PCSK5: variants seen among roughly 807,000 people sequenced by gnomAD.
PCSK5 encodes the protein prohormone convertase 5.
Under a neutral mutation model 233.2 loss-of-function variants are expected in PCSK5, and 129 were observed. The ratio of observed to expected loss-of-function variants is 0.55; its 90% CI spans 0.48 to 0.64. PCSK5 has a LOEUF of 0.64. Ranked by LOEUF, PCSK5 falls within the 30% of genes least tolerant of loss-of-function variation. The pLI is 0.00. For missense variants in PCSK5, 2,076 were observed against 2,430.1 expected (o/e 0.85, Z 3.06); for synonymous variants, 825 against 879.2 (o/e 0.94, Z 1.09).
intron 24 of PCSK5, among the ~76,000 whole-genome samples, chr9:76,251,425 G>A (rs1426965119): frequency 4.6e-5 from 7 of 151,834 alleles, no homozygotes; most frequent in East Asian, 1.9e-4. Flanking sequence ...TTAGCTGGGC[G>A]TGGTGGCACG....
intron 7 of PCSK5, among the ~76,000 whole-genome samples, chr9:76,093,388 C>A (rs1831379448): frequency 6.6e-6 from 1 of 152,120 alleles, no homozygotes; most frequent in Non-Finnish European, 1.5e-5. Context: ...GGCCACTACA[C>A]CCAGTCTACA....
intron 7 of PCSK5, among the ~76,000 whole-genome samples, chr9:76,072,776 C>A (rs544006779): frequency 1.5e-4 from 23 of 152,274 alleles, no homozygotes; most frequent in Admixed American, 1.4e-3. Flanking sequence ...GTGCCCCATC[C>A]CCAAGTCCTC....
intron 35 of PCSK5, among the ~76,000 whole-genome samples, chr9:76,345,177 ATTTTATTATTTTATTTTATT>A (rs1398198967): frequency 1.3e-5 from 2 of 148,966 alleles, no homozygotes; most frequent in African/African-American, 5.0e-5. Flanking sequence ...CCCTTATTTT[ATTTTATTATTTTATTTTATT>A]TTATTTTATT....
chr9:75,999,019 C>T (rs1400371999), intron 3 of PCSK5, among the ~76,000 whole-genome samples: 1 of 152,000 alleles, frequency 6.6e-6, no homozygotes, highest in Non-Finnish European at 1.5e-5. Context: ...CCAAATAAGG[C>T]TTATACATTG....
chr9:76,016,214 G>A (rs1304787152), intron 3 of PCSK5, among the ~76,000 whole-genome samples: 1 of 152,230 alleles, frequency 6.6e-6, no homozygotes, highest in African/African-American at 2.4e-5. Context: ...GTTACATCTT[G>A]GTAAAGGTAT....
chr9:76,092,156 G>A (rs28369582), intron 7 of PCSK5, among the ~76,000 whole-genome samples: 4,317 of 152,140 alleles, frequency 0.028, 166 homozygotes, highest in African/African-American at 0.087. Context: ...ACCTCTTAAG[G>A]GCAAAAGATA....
chr9:76,311,850 G>A (rs956903862), intron 30 of PCSK5, among the ~76,000 whole-genome samples: 2 of 152,260 alleles, frequency 1.3e-5, no homozygotes, highest in South Asian at 2.1e-4. Flanking sequence ...CCCACATTAC[G>A]TGTCTCAGCT....
In PCSK5 at chr9:76,251,344, ATG is replaced by A. The variant is rs1387295999; in HGVS notation, c.3142+10661_3142+10662del. Among the ~76,000 whole-genome samples, 208 of 151,272 alleles carry A rather than the reference ATG, an allele frequency of 1.4e-3. 2 individuals carry two copies. The highest frequency in any genetic ancestry group is 6.8e-3 in the Middle Eastern group (2 of 294). ...TTTGGGAGGCCAAGGCGGGTGGATC[ATG>A]AGGTCAGAAGTTCAAGACCAGCCTG... On this transcript the variant is annotated intron_variant, in intron 24 of 37. Coordinates refer to ENST00000674117, the MANE Select transcript of PCSK5 (RefSeq NM_001372043.1).
rs1365227061 is a variant in PCSK5, at chr9:76,089,632, A to G, written c.895-6258A>G. On this transcript the variant is annotated intron_variant, in intron 7 of 37. Coordinates refer to ENST00000674117, the MANE Select transcript of PCSK5 (RefSeq NM_001372043.1). ...TCTCTCTTACTCCTTTTTATATCACAAGAAACCTAGGTCATTTACTCATGG... is the reference window on the plus strand; with the variant it reads ...TCTCTCTTACTCCTTTTTATATCACGAGAAACCTAGGTCATTTACTCATGG... Among the ~76,000 whole-genome samples the G allele has an allele frequency of 1.3e-5, 2 of 152,238 alleles. 1 individual carries two copies. The highest frequency in any genetic ancestry group is 4.8e-5 in the African/African-American group (2 of 41,458).
intron 20 of PCSK5, chr9:76,194,701 A>C (rs1233642498): frequency 4.4e-6 from 2 of 457,354 alleles, no homozygotes; most frequent in African/African-American, 2.0e-5. Context: ...TATTTGGATT[A>C]GTGGCCAGAA....
chr9:76,281,935 C>T (rs994566676), intron 24 of PCSK5, among the ~76,000 whole-genome samples: 7 of 152,022 alleles, frequency 4.6e-5, no homozygotes, highest in Admixed American at 2.6e-4. Context: ...AGGCTTGTGC[C>T]GTTGCACCTG....
intron 2 of PCSK5, among the ~76,000 whole-genome samples, chr9:75,969,389 C>T (rs1825725502): frequency 6.6e-6 from 1 of 152,142 alleles, no homozygotes; most frequent in Admixed American, 6.5e-5. Context: ...GGGGCCAGAA[C>T]ATTGATTGGC....
chr9:75,995,744 T>TATACACACACAC (rs373537943), intron 3 of PCSK5, among the ~76,000 whole-genome samples: 1 of 145,948 alleles, frequency 6.9e-6, no homozygotes, highest in Non-Finnish European at 1.5e-5. Flanking sequence ...GATTCATTCA[T>TATACACACACAC]ACACACACAC....
intron 32 of PCSK5, among the ~76,000 whole-genome samples, chr9:76,324,639 A>G (rs1829306491): frequency 6.6e-6 from 1 of 152,152 alleles, no homozygotes; most frequent in African/African-American, 2.4e-5. Flanking sequence ...CATGTTCAAG[A>G]AAGGATCTGC....
intron 1 of PCSK5, among the ~76,000 whole-genome samples, chr9:75,914,796 G>C (rs555774528): frequency 1.6e-4 from 24 of 152,242 alleles, no homozygotes; most frequent in Non-Finnish European, 2.9e-4. Context: ...AGATATATGT[G>C]TGAGGAAAAT....
chr9:76,350,907 G>T lies in PCSK5; in HGVS notation c.5046G>T (p.Val1682=), dbSNP rs574151948. 7 of 1,602,164 alleles carry T rather than the reference G, an allele frequency of 4.4e-6. No individual in the cohort carries two copies. The highest frequency in any genetic ancestry group is 4.3e-6 in the Non-Finnish European group (5 of 1,170,936). ...MGGICTSDCL[V]GEYRVGEGEK... Reference sequence around the variant, plus strand: ...GGATCTGCACCTCGGACTGTCTTGTGGGGGAATACAGAGTGGGAGAGGTAT... The same window carrying T: ...GGATCTGCACCTCGGACTGTCTTGTTGGGGAATACAGAGTGGGAGAGGTAT... Residue 1682 remains valine, a synonymous_variant, in exon 36 of 38, where the codon GTG becomes GTT. Coordinates refer to ENST00000674117, the MANE Select transcript of PCSK5 (RefSeq NM_001372043.1).
chr9:76,010,363 A>G (rs1423056216), intron 3 of PCSK5, among the ~76,000 whole-genome samples: 1 of 152,224 alleles, frequency 6.6e-6, no homozygotes, highest in Non-Finnish European at 1.5e-5. Flanking sequence ...ACTTCTCACT[A>G]GAAAGTAACT....
intron 5 of PCSK5, among the ~76,000 whole-genome samples, chr9:76,047,396 C>T (rs1198798882): frequency 6.6e-6 from 1 of 152,128 alleles, no homozygotes; most frequent in Non-Finnish European, 1.5e-5. Flanking sequence ...GCATGCAGTT[C>T]AGGGCCTGAC....
intron 7 of PCSK5, among the ~76,000 whole-genome samples, chr9:76,072,750 C>T (rs1182763298): frequency 6.6e-6 from 1 of 152,102 alleles, no homozygotes; most frequent in Non-Finnish European, 1.5e-5. Flanking sequence ...TTCCTTGTTC[C>T]TCCTGCATAG....
Sources: allele counts gnomAD v4.1 joint callset (sites outside exome capture counted in the v4.1 genomes callset), GRCh38; gene constraint gnomAD v4.1.1; transcripts MANE v1.5; gene names NCBI Gene and HGNC (gene_info 2026-07-23, HGNC 2026-07-21).